EPHA6: variants seen among roughly 807,000 people sequenced by gnomAD.
The protein encoded by EPHA6 is EPH receptor A6.
Under a neutral mutation model 112.0 loss-of-function variants are expected in EPHA6, and 50 were observed. The observed-to-expected ratio is 0.45, with a 90% confidence interval of 0.36 to 0.56. EPHA6 has a LOEUF of 0.56. Among genes scored for constraint, EPHA6 ranks in the 20% least tolerant of loss-of-function variants. The pLI, the probability that EPHA6 is intolerant of heterozygous loss-of-function variation, is 0.00. For missense variants in EPHA6, 1,280 were observed against 1,417.4 expected (o/e 0.90, Z 1.56); for synonymous variants, 529 against 490.7 (o/e 1.08, Z -1.03).
chr3:96,865,730 CACTT>C (rs2036272656), intron 1 of EPHA6, among the ~76,000 whole-genome samples: 1 of 146,820 alleles, frequency 6.8e-6, no homozygotes, highest in South Asian at 2.2e-4. Context: ...AAAGAAATCT[CACTT>C]CCTTAACAAG....
chr3:97,367,341 A>G (rs770237071), intron 5 of EPHA6, among the ~76,000 whole-genome samples: 3 of 152,090 alleles, frequency 2.0e-5, no homozygotes, highest in Non-Finnish European at 4.4e-5. Flanking sequence ...ACCCCGGCCT[A>G]TTCTGCAGCC....
intron 5 of EPHA6, among the ~76,000 whole-genome samples, chr3:97,369,616 A>C (rs1006410600): frequency 6.6e-6 from 1 of 152,110 alleles, no homozygotes; most frequent in African/African-American, 2.4e-5. Flanking sequence ...AATTGCTCTC[A>C]TCTTGTTTTC....
At chr3:97,590,622 A>G (rs966558184) in intron 11 of EPHA6, among the ~76,000 whole-genome samples, 1 of 152,042 alleles carries the variant, frequency 6.6e-6, no homozygotes, top group Non-Finnish European at 1.5e-5. Flanking sequence ...CTTCATGACT[A>G]TGTTATTATG....
At chr3:97,540,173 C>G (rs749781811) in intron 11 of EPHA6, among the ~76,000 whole-genome samples, 3 of 152,192 alleles carry the variant, frequency 2.0e-5, no homozygotes, top group Non-Finnish European at 2.9e-5. Flanking sequence ...TGTGCTTTCT[C>G]TCTTCTACCA....
At chr3:97,187,718 AAAGAAAGAAAG>A (rs1342443581) in intron 3 of EPHA6, among the ~76,000 whole-genome samples, 2 of 150,850 alleles carry the variant, frequency 1.3e-5, no homozygotes, top group African/African-American at 4.9e-5. Flanking sequence ...AGAAAGAAAG[AAAGAAAGAAAG>A]AAAGAAAGAA....
chr3:97,654,361 C>A (rs2094125167), intron 14 of EPHA6, among the ~76,000 whole-genome samples: 1 of 151,874 alleles, frequency 6.6e-6, no homozygotes, highest in African/African-American at 2.4e-5. Flanking sequence ...TACAACAAAT[C>A]TGTGAGTACC....
intron 5 of EPHA6, among the ~76,000 whole-genome samples, chr3:97,378,191 AAGTGCCACCACAGAGCTC>A (rs1311478033): frequency 6.6e-6 from 1 of 152,098 alleles, no homozygotes; most frequent in African/African-American, 2.4e-5. Context: ...CATGGCTGAA[AAGTGCCACCACAGAGCTC>A]AGTCTGTGGC....
At chr3:97,186,268 A>T (rs1208794242) in intron 3 of EPHA6, among the ~76,000 whole-genome samples, 1 of 152,048 alleles carries the variant, frequency 6.6e-6, no homozygotes, top group Non-Finnish European at 1.5e-5. Context: ...CTTCCTAGCT[A>T]TAGAATTTGG....
At chr3:97,056,194 G>T (rs1158183735) in intron 3 of EPHA6, among the ~76,000 whole-genome samples, 1 of 152,010 alleles carries the variant, frequency 6.6e-6, no homozygotes, top group Non-Finnish European at 1.5e-5. Flanking sequence ...ATACAGCATC[G>T]CAAACCTACC....
At chr3:97,619,811 G>A (rs979649282) in intron 13 of EPHA6, among the ~76,000 whole-genome samples, 1 of 152,122 alleles carries the variant, frequency 6.6e-6, no homozygotes, top group Non-Finnish European at 1.5e-5. Context: ...TGGATAGGAA[G>A]AATCAATATT....
chr3:96,888,767 C>T (rs2037783530), intron 2 of EPHA6, among the ~76,000 whole-genome samples: 1 of 152,180 alleles, frequency 6.6e-6, no homozygotes, highest in Non-Finnish European at 1.5e-5. Flanking sequence ...GAGACATTTT[C>T]CCTGTTGTCT....
intron 3 of EPHA6, among the ~76,000 whole-genome samples, chr3:97,163,544 C>T (rs1169205635): frequency 1.3e-5 from 2 of 152,044 alleles, no homozygotes; most frequent in Non-Finnish European, 2.9e-5. Flanking sequence ...AGGACACCTC[C>T]TTAGGAGTCA....
chr3:96,916,157 T>C (rs1021581675), intron 2 of EPHA6, among the ~76,000 whole-genome samples: 7 of 152,104 alleles, frequency 4.6e-5, no homozygotes, highest in Non-Finnish European at 7.4e-5. Context: ...TAAAGAATGT[T>C]GTGGAAATAT....
At chr3:97,221,687 C>A (rs946549131) in intron 3 of EPHA6, among the ~76,000 whole-genome samples, 1 of 152,104 alleles carries the variant, frequency 6.6e-6, no homozygotes, top group Non-Finnish European at 1.5e-5. Flanking sequence ...ATCTCATGTT[C>A]GGTATTAGCA....
At chr3:97,727,058 C>T (rs1175857206) in intron 15 of EPHA6, among the ~76,000 whole-genome samples, 2 of 151,986 alleles carry the variant, frequency 1.3e-5, no homozygotes, top group Admixed American at 6.6e-5. Flanking sequence ...GCCCAAATGC[C>T]TCCTGGGTAT....
At chr3:96,958,962 G>T (rs538646392) in intron 2 of EPHA6, among the ~76,000 whole-genome samples, 1 of 152,078 alleles carries the variant, frequency 6.6e-6, no homozygotes, top group Non-Finnish European at 1.5e-5. Flanking sequence ...GAGTAATGCC[G>T]CTGTGAACAT....
At position 97,047,911 on chromosome 3, in the gene EPHA6, T is replaced by C. The variant is rs114616896; in HGVS notation, c.1114+59918T>C. Among the ~76,000 whole-genome samples, 681 of 152,286 alleles carry C rather than the reference T, an allele frequency of 4.5e-3. 6 individuals carry two copies. Among genetic ancestry groups the C allele is most frequent in the African/African-American group, 0.016 (655 of 41,552 alleles). Reference sequence around the variant, plus strand: ...TTGGCAGTCATTCACAATGGCATTATTGACAAATGAAGTTCCAGGATTGTT... The same window carrying C: ...TTGGCAGTCATTCACAATGGCATTACTGACAAATGAAGTTCCAGGATTGTT... On this transcript the variant is annotated intron_variant, in intron 3 of 17. Transcript: ENST00000389672.
At chr3:97,447,194 A>G (rs1035741938) in intron 6 of EPHA6, among the ~76,000 whole-genome samples, 1 of 152,188 alleles carries the variant, frequency 6.6e-6, no homozygotes, top group Non-Finnish European at 1.5e-5. Flanking sequence ...AAAGTAGCTT[A>G]AGAGAAATGA....
intron 5 of EPHA6, among the ~76,000 whole-genome samples, chr3:97,373,112 T>A (rs776702130): frequency 7.9e-5 from 12 of 152,166 alleles, no homozygotes; most frequent in Admixed American, 1.3e-4. Flanking sequence ...ATTTATATTA[T>A]CAAACAAATT....
Sources: allele counts gnomAD v4.1 joint callset (sites outside exome capture counted in the v4.1 genomes callset), GRCh38; gene constraint gnomAD v4.1.1; transcripts MANE v1.5; gene names NCBI Gene and HGNC (gene_info 2026-07-23, HGNC 2026-07-21).